SLC6A14: variants seen among roughly 807,000 people sequenced by gnomAD.
SLC6A14 encodes sodium- and chloride-dependent neutral and basic amino acid transporter B(0+).
Under a neutral mutation model 51.4 loss-of-function variants are expected in SLC6A14, and 21 were observed. That is an observed-to-expected ratio of 0.41 (90% CI 0.29 to 0.59). The LOEUF is 0.59. Ranked by LOEUF, SLC6A14 falls within the 20% of genes least tolerant of loss-of-function variation. The pLI is 0.31. For synonymous variants in SLC6A14, 177 were observed against 160.7 expected (o/e 1.10, Z -0.77); for missense variants, 371 against 472.8 (o/e 0.78, Z 2.00).
chrX:116,441,040 G>A lies in SLC6A14; in HGVS notation c.289G>A (p.Gly97Arg). The A allele has an allele frequency of 8.3e-7, 1 of 1,209,957 alleles. No homozygotes were observed. The highest frequency in any genetic ancestry group is 1.1e-6 in the Non-Finnish European group (1 of 894,165). ...LPLFFLECSL[G>R]QFASLGPVSV... is the part of the protein sequence containing the mutation. ...TTTGTTCTTTCTGGAGTGTTCACTG[G>A]GACAATTTGCTAGCTTAGGTCCAGT... Residue 97 changes from glycine (G) to arginine (R), a missense_variant, in exon 3 of 14, where the codon GGA (glycine) becomes AGA (arginine). Gly to Arg is a moderately radical substitution (Grantham distance 125). Transcript: ENST00000598581.
At chrX:116,442,997 A>G (rs1733088043) in intron 4 of SLC6A14, 149 bp downstream of exon 4, 1 of 403,014 alleles carries the variant, frequency 2.5e-6, no homozygotes. Context: ...AATCAGAAAA[A>G]TGATTAATAC....
chrX:116,445,457 G>GGAGAGA (rs4068397), intron 6 of SLC6A14, among the ~76,000 whole-genome samples: 1,475 of 66,907 alleles, frequency 0.022, 22 homozygotes, highest in African/African-American at 0.038. Flanking sequence ...TCCCCTAGTC[G>GGAGAGA]GAGAGAGAGA....
chrX:116,457,644 A>G lies in SLC6A14; in HGVS notation c.1650A>G (p.Arg550=). The G allele has an allele frequency of 8.3e-7, 1 of 1,208,637 alleles. No individual in the cohort carries two copies. The highest frequency in any genetic ancestry group is 1.1e-6 in the Non-Finnish European group (1 of 893,369). ...TCTGGTCATTGGTGCAATTTCATAG[A>G]CCTAATTATGGCGCAATTCCATACC... ...IFIWSLVQFH[R]PNYGAIPYPD... The change falls in exon 13 of 14, where the codon AGA becomes AGG. Residue 550 remains arginine (R), a synonymous_variant. Transcript: ENST00000598581.
intron 13 of SLC6A14, among the ~76,000 whole-genome samples, 196 bp from the exon 14 acceptor site, chrX:116,458,613 A>C (rs2011198): frequency 0.52 from 57,315 of 110,701 alleles, 11,793 homozygotes; most frequent in Admixed American, 0.7. Flanking sequence ...ACAACTAGCT[A>C]CATTTGATTA....
chrX:116,447,721 A>AAGT (rs1400245571), intron 7 of SLC6A14, among the ~76,000 whole-genome samples: 3 of 109,591 alleles, frequency 2.7e-5, no homozygotes, highest in Non-Finnish European at 5.7e-5. Flanking sequence ...TCAGCCGCCC[A>AAGT]AGTAGCTGGG....
chrX:116,440,967 C>A lies in SLC6A14; in HGVS notation c.216C>A (p.Gly72=), dbSNP rs373789886. Residue 72 remains glycine (G), a splice_region_variant and synonymous_variant, in exon 3 of 14, where the codon GGC becomes GGA. Transcript: ENST00000598581. ...TTGGTTCTTTCTCACCTTTTTTAGG[C>A]GCCTTCTTGATACCTTATGCAATTA... ...FPYLTYSNGG[G]AFLIPYAIML... The A allele has an allele frequency of 8.3e-7, 1 of 1,207,866 alleles. No homozygotes were observed. The highest frequency in any genetic ancestry group is 1.8e-5 in the South Asian group (1 of 56,213).
intron 1 of SLC6A14, among the ~76,000 whole-genome samples, chrX:116,437,317 T>C (rs1312972098): frequency 2.7e-5 from 3 of 111,740 alleles, no homozygotes; most frequent in African/African-American, 6.5e-5. Context: ...CGTTTTTTTT[T>C]CCAGCAGACA....
intron 1 of SLC6A14, among the ~76,000 whole-genome samples, chrX:116,437,212 G>A (rs1556693342): frequency 9.0e-6 from 1 of 111,425 alleles, no homozygotes; most frequent in African/African-American, 3.3e-5. Context: ...TTTTAGAAAG[G>A]CATTGATTTT....
chrX:116,438,045 T>A, intron 2 of SLC6A14, 90 bp downstream of exon 2: 1 of 736,164 alleles, frequency 1.4e-6, no homozygotes, highest in East Asian at 3.6e-5. Flanking sequence ...ATTTTACGAG[T>A]TGAAGGAAGG....
At chrX:116,453,458 G>A (rs1286307979) in intron 9 of SLC6A14, among the ~76,000 whole-genome samples, 3 of 110,358 alleles carry the variant, frequency 2.7e-5, no homozygotes, top group African/African-American at 9.8e-5. Flanking sequence ...CATAGATTGT[G>A]TATGTTATTC....
intron 7 of SLC6A14, among the ~76,000 whole-genome samples, chrX:116,450,318 C>T (rs1927798215): frequency 9.0e-6 from 1 of 111,125 alleles, no homozygotes. Context: ...ACAGCCCAAA[C>T]CCAAAACTGG....
chrX:116,458,943 A>G lies in SLC6A14; in HGVS notation c.1917A>G (p.Arg639=). Residue 639 remains arginine, a synonymous_variant, in exon 14 of 14, where the codon AGA becomes AGG. Coordinates refer to ENST00000598581, the MANE Select transcript of SLC6A14 (RefSeq NM_007231.5). ...AAATACCTACTGTTAGTGGCAGCAG[A>G]AAACCGGAATGAGATCTCATTGAAA... ...DHEIPTVSGS[R]KPE 8.3e-7 allele frequency: 1 copy of G among 1,200,480 alleles called. No homozygotes were observed. Among genetic ancestry groups the G allele is most frequent in the Admixed American group, 2.3e-5 (1 of 44,296 alleles).
Position 116,437,987 on chromosome X carries a change from C to T in SLC6A14, c.214+32C>T, listed in dbSNP as rs782189305. ...TATTTCACCCCCACCCTCCCACCCC[C>T]GCTTTTCCCTCCAGTTTTAAGTGTG... On this transcript the variant is annotated intron_variant, in intron 2 of 13. Coordinates refer to ENST00000598581, the MANE Select transcript of SLC6A14 (RefSeq NM_007231.5). 4.4e-5 allele frequency: 47 copies of T among 1,075,112 alleles called. No homozygotes were observed. The African/African-American group carries it at 4.7e-4, about 11-fold the overall frequency. 88.6% of individuals were successfully genotyped at this position (1,075,112 alleles called of 1,213,427 possible).
In SLC6A14 at chrX:116,460,581, G is replaced by A. The variant is rs1280212182; in HGVS notation, c.*1626G>A. The A allele has an allele frequency of 1.9e-5, 2 of 103,554 alleles. No homozygotes were observed. The highest frequency in any genetic ancestry group is 7.1e-5 in the African/African-American group (2 of 27,978). The allele number at this position is 103,554 out of a possible 1,213,427, so 8.5% of individuals were successfully genotyped here. ...TTCCTTTTTTTTTTTTTTGGTGGGG[G>A]GCTGGGGGTCAGAGTCTTGTTCTGT... On this transcript the variant is annotated 3_prime_UTR_variant, in exon 14 of 14. Coordinates refer to ENST00000598581, the MANE Select transcript of SLC6A14 (RefSeq NM_007231.5).
intron 8 of SLC6A14, among the ~76,000 whole-genome samples, chrX:116,452,781 C>A (rs1375918969): frequency 1.8e-5 from 2 of 110,899 alleles, no homozygotes; most frequent in Non-Finnish European, 3.8e-5. Flanking sequence ...AGAAATGTAC[C>A]ATTTACATTA....
rs543797496 is a variant in SLC6A14, at chrX:116,461,391, T to A, written c.*2436T>A. ...ATGCGAACTTGGAGATAATTTATGGTATTGTATTGTAAACCATTAATGAAA... is the reference window on the plus strand; with the variant it reads ...ATGCGAACTTGGAGATAATTTATGGAATTGTATTGTAAACCATTAATGAAA... On this transcript the variant is annotated 3_prime_UTR_variant, in exon 14 of 14. Coordinates refer to ENST00000598581, the MANE Select transcript of SLC6A14 (RefSeq NM_007231.5). The A allele has an allele frequency of 1.2e-4, 18 of 153,409 alleles. No individual in the cohort carries two copies. In the South Asian group the frequency reaches 4.0e-3, roughly 35 times the overall value. The allele number at this position is 153,409 out of a possible 1,213,427, so 12.6% of individuals were successfully genotyped here.
rs375349023 is a variant in SLC6A14, at chrX:116,447,932, C to T, written c.930+1051C>T. Among the ~76,000 whole-genome samples, 8 of 111,661 alleles carry T rather than the reference C, an allele frequency of 7.2e-5. No homozygotes were observed. In the East Asian group the frequency reaches 2.3e-3, roughly 31 times the overall value. ...TTTACTAGTCACATCACATTCTTAG[C>T]ACACATTAAGCTTCTGTTCAACTAA... On this transcript the variant is annotated intron_variant, in intron 7 of 13. Transcript: ENST00000598581.
Position 116,455,027 on chromosome X carries a change from C to T in SLC6A14, c.1455C>T (p.Gly485=). 1 of 1,205,137 alleles carries T rather than the reference C, an allele frequency of 8.3e-7. No individual in the cohort carries two copies. The highest frequency in any genetic ancestry group is 1.1e-6 in the Non-Finnish European group (1 of 890,821). ...HLIDHFCAGW[G]ILIAAILELV... is the part of the protein sequence containing the mutation. ...TTGACCACTTCTGTGCTGGATGGGGCATTTTAATTGCAGCTATACTGGAGC... is the reference window on the plus strand; with the variant it reads ...TTGACCACTTCTGTGCTGGATGGGGTATTTTAATTGCAGCTATACTGGAGC... The change falls in exon 11 of 14, where the codon GGC becomes GGT. Residue 485 remains glycine, a synonymous_variant. Transcript: ENST00000598581.
At position 116,459,548 on chromosome X, in the gene SLC6A14, A is replaced by G. The variant is rs1928001433; in HGVS notation, c.*593A>G. On this transcript the variant is annotated 3_prime_UTR_variant, in exon 14 of 14. Transcript: ENST00000598581. ...GCATTTGTTACAGCTCATGTTTTCT[A>G]TATGAACTTAGTCATTAATGTTCTT... 8.9e-6 allele frequency: 1 copy of G among 111,939 alleles called. No homozygotes were observed. The highest frequency in any genetic ancestry group is 1.9e-5 in the Non-Finnish European group (1 of 53,084). 9.2% of individuals were successfully genotyped at this position (111,939 alleles called of 1,213,427 possible).
Sources: allele counts gnomAD v4.1 joint callset (sites outside exome capture counted in the v4.1 genomes callset), GRCh38; gene constraint gnomAD v4.1.1; transcripts MANE v1.5; gene names NCBI Gene and HGNC (gene_info 2026-07-23, HGNC 2026-07-21).